The following BRSK2 variants were observed in gnomAD, a reference collection of about 807,000 sequenced individuals.
BRSK2 encodes serine/threonine-protein kinase BRSK2.
A neutral mutation model predicts 83.3 loss-of-function variants in BRSK2; 19 were observed. That is an observed-to-expected ratio of 0.23 (90% CI 0.16 to 0.33). The LOEUF (loss-of-function observed/expected upper bound fraction) is 0.33, where lower values mean the gene tolerates loss of function less well. Among genes scored for constraint, BRSK2 ranks in the 10% least tolerant of loss-of-function variants. The pLI is 1.00. For synonymous variants in BRSK2, 519 were observed against 435.4 expected (o/e 1.19, Z -2.39); for missense variants, 798 against 1,042.3 (o/e 0.77, Z 3.23).
At chr11:1,447,828 C>T (rs769129047) in intron 12 of BRSK2, 10 of 1,597,322 alleles carry the variant, frequency 6.3e-6, no homozygotes, top group Non-Finnish European at 8.5e-6. Context: ...GCCTGGATAT[C>T]GCTGAGGCCC....
At chr11:1,434,021 G>C (rs116486701) in intron 1 of BRSK2, among the ~76,000 whole-genome samples, 2 of 152,368 alleles carry the variant, frequency 1.3e-5, no homozygotes, top group South Asian at 4.1e-4. Context: ...CGATGGGGCC[G>C]GGGGAATGGA....
At chr11:1,416,298 A>T (rs1848091557) in intron 1 of BRSK2, among the ~76,000 whole-genome samples, 1 of 152,214 alleles carries the variant, frequency 6.6e-6, no homozygotes. Flanking sequence ...ACGTCCTTCC[A>T]GCCACACAGC....
In BRSK2 at chr11:1,454,695, A is replaced by T; in HGVS notation, c.1668+87A>T. On this transcript the variant is annotated intron_variant, in intron 16 of 19. Transcript: ENST00000528841. This position sits in a 1 kb window ranked among gnomAD's most constrained non-coding sequence, Gnocchi z 5.2. ...GAGAATCCAGCCTCCTCACGTAGAC[A>T]GGACATGTCCACGCGCACAGCACGG... 1 of 1,534,148 alleles carries T rather than the reference A, an allele frequency of 6.5e-7. No individual in the cohort carries two copies. Among genetic ancestry groups the T allele is most frequent in the Non-Finnish European group, 8.9e-7 (1 of 1,125,432 alleles).
intron 1 of BRSK2, among the ~76,000 whole-genome samples, chr11:1,421,975 C>T (rs1382545273): frequency 9.6e-4 from 98 of 102,220 alleles, no homozygotes; most frequent in Non-Finnish European, 1.8e-3. Context: ...GGGGTGGGGT[C>T]GGGGCAGGCT....
chr11:1,391,977 G>C (rs1455659486), intron 1 of BRSK2, among the ~76,000 whole-genome samples: 4 of 152,184 alleles, frequency 2.6e-5, no homozygotes, highest in African/African-American at 9.7e-5. Context: ...AGGATGGGCT[G>C]TGTGTGTCTA....
chr11:1,394,117 T>C (rs1204201957), intron 1 of BRSK2, among the ~76,000 whole-genome samples: 3 of 91,944 alleles, frequency 3.3e-5, no homozygotes, highest in African/African-American at 4.8e-5. Flanking sequence ...TGGAGATGGG[T>C]CCTGGAGATG....
rs1002027979 is a variant in BRSK2, at chr11:1,460,917, T to TCTCTGC, written c.*203_*208dup. ...CCGCGCCCGCTCTCTTTTCTCTCTGTCTCTGCCTCTGCCTGTCTCTGACAG... is the reference window on the plus strand; with the variant it reads ...CCGCGCCCGCTCTCTTTTCTCTCTGTCTCTGCCTCTGCCTCTGCCTGTCTCTGACAG... On this transcript the variant is annotated 3_prime_UTR_variant, in exon 20 of 20. Coordinates refer to ENST00000528841, the MANE Select transcript of BRSK2 (RefSeq NM_001256627.2). 1.1e-5 allele frequency: 17 copies of TCTCTGC among 1,611,180 alleles called. No homozygotes were observed. Among genetic ancestry groups the TCTCTGC allele is most frequent in the East Asian group, 2.2e-5 (1 of 44,830 alleles).
Position 1,460,500 on chromosome 11 carries a change from G to GCAGCTT in BRSK2, c.1992_1993insTTCAGC (p.Ser664_Pro665insPheSer). The GCAGCTT allele has an allele frequency of 1.4e-6, 2 of 1,408,584 alleles. No individual in the cohort carries two copies. The highest frequency in any genetic ancestry group is 9.3e-7 in the Non-Finnish European group (1 of 1,071,844). The allele number at this position is 1,408,584 out of a possible 1,614,324, so 87.3% of individuals were successfully genotyped here. A position where few individuals can be genotyped will look rare whatever the true frequency, so the allele number is the denominator to read the frequency against. ...TTTTGTCTCTGTTCTGTGTACCCAG[G>GCAGCTT]CAGCCCATTGAGTAACTTCTTTGAC... On this transcript the variant is annotated inframe_insertion and splice_region_variant, in exon 20 of 20. Coordinates refer to ENST00000528841, the MANE Select transcript of BRSK2 (RefSeq NM_001256627.2).
At chr11:1,402,946 C>A (rs1846591596) in intron 1 of BRSK2, among the ~76,000 whole-genome samples, 2 of 152,132 alleles carry the variant, frequency 1.3e-5, no homozygotes, top group African/African-American at 4.8e-5. Context: ...ATTTGTGACT[C>A]ATCGTAAAGT....
Position 1,433,934 on chromosome 11 carries a change from C to T in BRSK2, c.92-2106C>T, listed in dbSNP as rs542279770. 5.3e-5 allele frequency among the ~76,000 whole-genome samples: 8 copies of T among 152,354 alleles called. No homozygotes were observed. The South Asian group carries it at 6.2e-4, about 12-fold the overall frequency. ...TCGGCAAGGTCCTGGGTCCCCCACC[C>T]GGCCTGGGCTCACCCAGATCCAGGC... is the stretch of plus-strand genomic sequence containing the variant. On this transcript the variant is annotated intron_variant, in intron 1 of 19. Transcript: ENST00000528841.
chr11:1,397,566 C>T (rs1265924242), intron 1 of BRSK2, among the ~76,000 whole-genome samples: 1 of 152,250 alleles, frequency 6.6e-6, no homozygotes, highest in African/African-American at 2.4e-5. Flanking sequence ...GCTGCTTTGC[C>T]CCAGGGGCCT....
At chr11:1,425,728 GC>G (rs1312507960) in intron 1 of BRSK2, among the ~76,000 whole-genome samples, 3 of 152,178 alleles carry the variant, frequency 2.0e-5, no homozygotes, top group Non-Finnish European at 4.4e-5. Flanking sequence ...TAGATGAGCT[GC>G]CCCCGTCCTT....
rs985058549 is a variant in BRSK2 at position 1,423,121 on chromosome 11, A to G, written c.92-12919A>G. ...GGCCCCATGCACCCAGGACCTCCCCAAGAGCTGTGCCTCCATGTACCTCAG... is the reference window on the plus strand; with the variant it reads ...GGCCCCATGCACCCAGGACCTCCCCGAGAGCTGTGCCTCCATGTACCTCAG... On this transcript the variant is annotated intron_variant, in intron 1 of 19. Coordinates refer to ENST00000528841, the MANE Select transcript of BRSK2 (RefSeq NM_001256627.2). The surrounding 1 kb of genome is among the most constrained non-coding windows in gnomAD (Gnocchi z 6.5). Among the ~76,000 whole-genome samples, 2 of 152,164 alleles carry G rather than the reference A, an allele frequency of 1.3e-5. No homozygotes were observed. Among genetic ancestry groups the G allele is most frequent in the African/African-American group, 4.8e-5 (2 of 41,436 alleles).
intron 1 of BRSK2, among the ~76,000 whole-genome samples, chr11:1,417,421 AAT>A (rs1369072396): frequency 6.6e-6 from 1 of 152,236 alleles, no homozygotes; most frequent in African/African-American, 2.4e-5. Context: ...TCTCCAATGA[AAT>A]ATATATATGT....
chr11:1,435,602 G>GGGTCTCGGCGGAGGAGGGGTGTCGGTGGA, intron 1 of BRSK2, among the ~76,000 whole-genome samples: 1 of 146,854 alleles, frequency 6.8e-6, no homozygotes, highest in South Asian at 2.3e-4. Flanking sequence ...GTGTCGGTGG[G>GGGTCTCGGCGGAGGAGGGGTGTCGGTGGA]GGTCTCGGCG....
rs34310716 is a variant in BRSK2 at position 1,450,600 on chromosome 11, C to A, written c.1301C>A (p.Pro434His). Residue 434 changes from proline (P) to histidine (H), a missense_variant, in exon 14 of 20, where the codon CCC becomes CAC. Physicochemically the swap from Pro to His is moderately conservative, Grantham distance 77 (BLOSUM62 -2). Around this residue, in one of 6 missense-constraint regions of BRSK2, gnomAD observed 455 missense variants for 455.2 expected, o/e 1.00. Coordinates refer to ENST00000528841, the MANE Select transcript of BRSK2 (RefSeq NM_001256627.2). ...PLSSPRVTPH[P>H]SPRGSPLPTP... ...CCCACCATACAGGTGACCCCTCACC[C>A]CTCACCAAGGGGCAGTCCCCTCCCC... The A allele has an allele frequency of 6.3e-7, 1 of 1,582,498 alleles. No individual in the cohort carries two copies. Among genetic ancestry groups the A allele is most frequent in the Admixed American group, 1.9e-5 (1 of 53,496 alleles).
chr11:1,411,550 A>G, intron 1 of BRSK2: 3 of 1,566,286 alleles, frequency 1.9e-6, no homozygotes, highest in Non-Finnish European at 1.7e-6. Flanking sequence ...CCAGCTGGCC[A>G]CACTCCCGGC....
chr11:1,457,345 A>G (rs987386333), intron 18 of BRSK2, among the ~76,000 whole-genome samples: 4 of 152,204 alleles, frequency 2.6e-5, no homozygotes, highest in African/African-American at 9.6e-5. Flanking sequence ...TCATGCCTCC[A>G]GCAGGGCAGA....
chr11:1,456,560 CCAG>C, intron 17 of BRSK2, 32 bp downstream of exon 17: 1 of 1,604,124 alleles, frequency 6.2e-7, no homozygotes, highest in Non-Finnish European at 8.5e-7. Flanking sequence ...GGCTCCGGGC[CCAG>C]GCCCGTCCAG....
Sources: gnomAD v4.1 joint callset for allele counts (sites outside exome capture counted in the v4.1 genomes callset) on GRCh38, gnomAD v4.1.1 for gene constraint, gnomAD v4.1.1 regional missense constraint, Gnocchi (gnomAD v3.1) non-coding constraint, MANE v1.5 for transcripts, NCBI Gene and HGNC (gene_info 2026-07-23, HGNC 2026-07-21) for gene names.